Variants in ENAH observed in about 807,000 individuals in gnomAD.
ENAH encodes ENAH actin regulator.
In ENAH, 23 loss-of-function variants were observed where a neutral mutation model predicts 78.7. That is an observed-to-expected ratio of 0.29 (90% CI 0.21 to 0.41). The LOEUF is 0.41. Among genes scored for constraint, ENAH ranks in the 10% least tolerant of loss-of-function variants. The pLI, the probability that ENAH is intolerant of heterozygous loss-of-function variation, is 1.00. For missense variants in ENAH, 544 were observed against 691.0 expected, an observed-to-expected ratio of 0.79 and a Z score of 2.39; for synonymous variants, 226 against 241.0, an observed-to-expected ratio of 0.94 and a Z score of 0.58.
intron 13 of ENAH, 144 bp downstream of exon 13, chr1:225,498,203 C>CA (rs1411179937): frequency 4.6e-6 from 3 of 656,238 alleles, no homozygotes; most frequent in Non-Finnish European, 7.9e-6. Context: ...ACCTCCTCCC[C>CA]AAAACCCTAA....
At chr1:225,531,001 T>A (rs1366699664) in intron 3 of ENAH, 1 of 400,354 alleles carries the variant, frequency 2.5e-6, no homozygotes, top group Admixed American at 4.4e-5. Context: ...ATTCATGAAG[T>A]GGAGAGGGAG....
intron 1 of ENAH, among the ~76,000 whole-genome samples, chr1:225,641,607 C>A (rs1661076506): frequency 6.6e-6 from 1 of 151,964 alleles, no homozygotes; most frequent in South Asian, 2.1e-4. Flanking sequence ...AGATACAAGG[C>A]TGAACATGGT....
At chr1:225,515,517 C>T (rs1010640359) in intron 6 of ENAH, 1 of 152,146 alleles carries the variant, frequency 6.6e-6, no homozygotes, top group Non-Finnish European at 1.5e-5. Flanking sequence ...CAAAATAACG[C>T]TCGGAAATAA....
At chr1:225,601,450 G>T (rs894336787) in intron 1 of ENAH, among the ~76,000 whole-genome samples, 1 of 151,590 alleles carries the variant, frequency 6.6e-6, no homozygotes, top group Non-Finnish European at 1.5e-5. Context: ...CCTGGGAGGC[G>T]GGGCTTGCAG....
At chr1:225,560,625 G>T (rs1194806618) in intron 2 of ENAH, among the ~76,000 whole-genome samples, 2 of 152,216 alleles carry the variant, frequency 1.3e-5, no homozygotes, top group African/African-American at 2.4e-5. Flanking sequence ...CCAAATAGCT[G>T]GGACTATAGG....
rs1445507574 is a variant in ENAH at position 225,614,076 on chromosome 1, TG to T, written c.5+38609del. Among the ~76,000 whole-genome samples the T allele has an allele frequency of 1.6e-3, 246 of 151,900 alleles. 2 individuals carry two copies. The highest frequency in any genetic ancestry group is 5.6e-3 in the African/African-American group (233 of 41,280). On this transcript the variant is annotated intron_variant, in intron 1 of 13. Coordinates refer to ENST00000366843, the MANE Select transcript of ENAH (RefSeq NM_018212.6). ...TATTAGAAAGATTTTTTTTTTTTTTTGAGATGGAGTCTCATTCTGTCGCCCA... is the reference window on the plus strand; with the variant it reads ...TATTAGAAAGATTTTTTTTTTTTTTTAGATGGAGTCTCATTCTGTCGCCCA...
At chr1:225,608,220 G>GAAAAAAAAAAAAAA (rs60998592) in intron 1 of ENAH, among the ~76,000 whole-genome samples, 290 of 90,788 alleles carry the variant, frequency 3.2e-3, no homozygotes, top group Middle Eastern at 6.3e-3. Flanking sequence ...ATAAAAAACA[G>GAAAAAAAAAAAAAA]AAAAAAAAAA....
chr1:225,596,651 G>C (rs143050349), intron 1 of ENAH, among the ~76,000 whole-genome samples: 1 of 152,286 alleles, frequency 6.6e-6, no homozygotes, highest in East Asian at 1.9e-4. Flanking sequence ...CCTGAAAAGA[G>C]TGATTTAGCA....
chr1:225,520,728 C>T (rs1192782854), intron 4 of ENAH, among the ~76,000 whole-genome samples: 3 of 152,016 alleles, frequency 2.0e-5, no homozygotes, highest in Non-Finnish European at 2.9e-5. Flanking sequence ...TGGTGCCATG[C>T]ACCTGTATTC....
intron 1 of ENAH, among the ~76,000 whole-genome samples, chr1:225,601,918 T>C (rs138240285): frequency 6.2e-5 from 9 of 144,844 alleles, no homozygotes; most frequent in African/African-American, 2.3e-4. Flanking sequence ...AATAAGAAGG[T>C]GAAAAAAAAG....
chr1:225,530,688 G>T (rs1368476246), intron 3 of ENAH, 50 bp from the exon 4 acceptor site: 1 of 1,328,250 alleles, frequency 7.5e-7, no homozygotes, highest in African/African-American at 1.5e-5. Flanking sequence ...ATATCTAGCT[G>T]GACAGAGGAG....
intron 1 of ENAH, chr1:225,652,380 T>C (rs1372306086): frequency 1.0e-6 from 1 of 985,252 alleles, no homozygotes; most frequent in East Asian, 1.1e-4. Flanking sequence ...GGGTTTCGCT[T>C]GCAAAGGCTT....
chr1:225,615,550 G>A (rs538200064), intron 1 of ENAH, among the ~76,000 whole-genome samples: 307 of 151,406 alleles, frequency 2.0e-3, no homozygotes, highest in Non-Finnish European at 3.7e-3. Flanking sequence ...CCCAGTCTGG[G>A]AAGTGAGGAG....
intron 9 of ENAH, 70 bp downstream of exon 9, chr1:225,512,587 A>G: frequency 1.4e-6 from 2 of 1,445,522 alleles, no homozygotes; most frequent in East Asian, 2.3e-5. Context: ...AAATGCTGAC[A>G]CTATTTCCTG....
intron 1 of ENAH, among the ~76,000 whole-genome samples, chr1:225,600,406 A>C (rs1331021733): frequency 6.6e-6 from 1 of 152,130 alleles, no homozygotes; most frequent in Non-Finnish European, 1.5e-5. Flanking sequence ...ATGCAGCTAA[A>C]GTAATGTTTA....
At chr1:225,497,913 C>T in intron 13 of ENAH, 101 bp from the exon 14 acceptor site, 1 of 906,508 alleles carries the variant, frequency 1.1e-6, no homozygotes, top group Non-Finnish European at 1.7e-6. Flanking sequence ...CTCAAACTCA[C>T]AGTAATAAGA....
At chr1:225,570,045 A>C (rs572352090) in intron 1 of ENAH, among the ~76,000 whole-genome samples, 7 of 152,144 alleles carry the variant, frequency 4.6e-5, no homozygotes, top group Non-Finnish European at 1.0e-4. Flanking sequence ...ATCTCTACTA[A>C]AAATACAAAA....
At chr1:225,499,699 A>T (rs189486818) in intron 12 of ENAH, among the ~76,000 whole-genome samples, 1 of 151,960 alleles carries the variant, frequency 6.6e-6, no homozygotes, top group African/African-American at 2.4e-5. Flanking sequence ...AAATAAAAAA[A>T]CCCCCTGCAG....
chr1:225,649,849 T>C (rs940059527), intron 1 of ENAH, among the ~76,000 whole-genome samples: 2 of 152,204 alleles, frequency 1.3e-5, no homozygotes, highest in African/African-American at 4.8e-5. Context: ...AATATATTCA[T>C]CATATCCTCT....
Sources: allele counts gnomAD v4.1 joint callset (sites outside exome capture counted in the v4.1 genomes callset), GRCh38; gene constraint gnomAD v4.1.1; transcripts MANE v1.5; gene names NCBI Gene and HGNC (gene_info 2026-07-23, HGNC 2026-07-21).